The following NRG3 variants were observed in gnomAD, a reference collection of about 807,000 sequenced individuals.
The protein encoded by NRG3 is pro-neuregulin-3, membrane-bound isoform.
In NRG3, 31 loss-of-function variants were observed where a neutral mutation model predicts 66.9. The observed-to-expected ratio is 0.46, with a 90% confidence interval of 0.35 to 0.63. The LOEUF is 0.63. Among genes scored for constraint, NRG3 ranks in the 20% least tolerant of loss-of-function variants. NRG3 has a pLI of 0.00. For missense variants in NRG3, 910 were observed against 878.9 expected, an observed-to-expected ratio of 1.04 and a Z score of -0.45; for synonymous variants, 393 against 359.4, an observed-to-expected ratio of 1.09 and a Z score of -1.06.
At chr10:82,200,400 AGC>A (rs2074732940) in intron 1 of NRG3, among the ~76,000 whole-genome samples, 2 of 152,176 alleles carry the variant, frequency 1.3e-5, no homozygotes, top group African/African-American at 2.4e-5. Context: ...GTTGAATTGA[AGC>A]ATTGACTATA....
At chr10:82,603,660 A>G (rs188007803) in intron 2 of NRG3, among the ~76,000 whole-genome samples, 1 of 152,082 alleles carries the variant, frequency 6.6e-6, no homozygotes, top group African/African-American at 2.4e-5. Context: ...TGCTATAATA[A>G]ATTTATTTCT....
intron 3 of NRG3, among the ~76,000 whole-genome samples, chr10:82,804,694 G>A (rs914882967): frequency 6.6e-6 from 1 of 152,148 alleles, no homozygotes; most frequent in African/African-American, 2.4e-5. Flanking sequence ...GCCTTAATAA[G>A]TGCCAGTGAC....
chr10:82,813,053 C>T (rs139289241), intron 3 of NRG3, among the ~76,000 whole-genome samples: 190 of 152,236 alleles, frequency 1.2e-3, no homozygotes, highest in African/African-American at 4.2e-3. Flanking sequence ...AGAAATTTAT[C>T]AGCAGGTATC....
At chr10:82,462,776 G>A (rs1271246248) in intron 2 of NRG3, among the ~76,000 whole-genome samples, 1 of 152,180 alleles carries the variant, frequency 6.6e-6, no homozygotes, top group Non-Finnish European at 1.5e-5. Context: ...GAGAAAGATA[G>A]TAAATCTGAT....
chr10:82,769,321 T>C (rs910552582), intron 3 of NRG3, among the ~76,000 whole-genome samples: 2 of 152,078 alleles, frequency 1.3e-5, no homozygotes, highest in Admixed American at 1.3e-4. Flanking sequence ...AATGTTTCCA[T>C]AGTTCCTGCA....
At chr10:82,331,420 G>T (rs1418060538) in intron 1 of NRG3, among the ~76,000 whole-genome samples, 1 of 152,076 alleles carries the variant, frequency 6.6e-6, no homozygotes, top group Non-Finnish European at 1.5e-5. Flanking sequence ...AGACCCATGG[G>T]TTTTACTTTA....
At chr10:82,321,488 T>TAA (rs2081577433) in intron 1 of NRG3, among the ~76,000 whole-genome samples, 1 of 152,334 alleles carries the variant, frequency 6.6e-6, no homozygotes, top group East Asian at 1.9e-4. Context: ...GATAATGACT[T>TAA]AAACTGCCTC....
intron 1 of NRG3, among the ~76,000 whole-genome samples, chr10:82,342,402 C>T (rs1468996822): frequency 1.3e-5 from 2 of 152,088 alleles, no homozygotes; most frequent in Non-Finnish European, 2.9e-5. Context: ...TATTAGCATT[C>T]CCTTTTCTCC....
intron 1 of NRG3, among the ~76,000 whole-genome samples, chr10:82,315,452 A>G (rs761321635): frequency 9.9e-5 from 15 of 152,188 alleles, no homozygotes; most frequent in Non-Finnish European, 1.9e-4. Flanking sequence ...TGTCTAGCAG[A>G]TAAAACGACA....
intron 1 of NRG3, among the ~76,000 whole-genome samples, chr10:81,904,451 G>A (rs1844390536): frequency 6.6e-6 from 1 of 152,006 alleles, no homozygotes; most frequent in South Asian, 2.1e-4. Context: ...GGGTTGCTTA[G>A]TCTCTGCTTG....
At chr10:82,574,613 T>A (rs2045929532) in intron 2 of NRG3, among the ~76,000 whole-genome samples, 2 of 151,814 alleles carry the variant, frequency 1.3e-5, no homozygotes, top group Admixed American at 1.3e-4. Context: ...TCATAATGCA[T>A]TGTATACATG....
intron 1 of NRG3, among the ~76,000 whole-genome samples, chr10:81,961,460 T>C (rs1334253822): frequency 8.5e-6 from 1 of 118,274 alleles, no homozygotes; most frequent in African/African-American, 3.3e-5. Context: ...CATAGAATAT[T>C]TGTTTGCTGA....
intron 2 of NRG3, among the ~76,000 whole-genome samples, chr10:82,585,115 G>T (rs542450704): frequency 2.0e-5 from 3 of 152,100 alleles, no homozygotes; most frequent in African/African-American, 7.2e-5. Flanking sequence ...GAATGTGCAG[G>T]TAATTGTGTA....
chr10:82,374,289 A>C (rs1242887596), intron 2 of NRG3, among the ~76,000 whole-genome samples: 1 of 152,224 alleles, frequency 6.6e-6, no homozygotes, highest in Non-Finnish European at 1.5e-5. Context: ...ACATGACAAG[A>C]AGGAGACTCC....
chr10:82,524,698 T>C (rs1175314148), intron 2 of NRG3, among the ~76,000 whole-genome samples: 1 of 151,918 alleles, frequency 6.6e-6, no homozygotes, highest in East Asian at 1.9e-4. Flanking sequence ...CAGTCTTTCC[T>C]GAAAACTCAT....
chr10:82,626,753 C>T (rs2049452117), intron 2 of NRG3, among the ~76,000 whole-genome samples: 1 of 151,952 alleles, frequency 6.6e-6, no homozygotes, highest in African/African-American at 2.4e-5. Flanking sequence ...ATTTGATGTC[C>T]TCTAATTCCT....
chr10:82,110,606 T>A (rs889420558), intron 1 of NRG3, among the ~76,000 whole-genome samples: 28 of 105,154 alleles, frequency 2.7e-4, no homozygotes, highest in African/African-American at 1.5e-3. Flanking sequence ...TTAATATAGT[T>A]TTTTTTTAAT....
At chr10:82,469,040 A>T (rs978637016) in intron 2 of NRG3, among the ~76,000 whole-genome samples, 3 of 152,324 alleles carry the variant, frequency 2.0e-5, no homozygotes, top group Admixed American at 2.0e-4. Context: ...TTCTTTGTGA[A>T]ATGAATGAGC....
chr10:81,996,812 G>A (rs1242137902), intron 1 of NRG3, among the ~76,000 whole-genome samples: 1 of 152,080 alleles, frequency 6.6e-6, no homozygotes, highest in African/African-American at 2.4e-5. Context: ...AATTTTGGAA[G>A]TCTGCATTTT....
Sources: allele counts gnomAD v4.1 joint callset (sites outside exome capture counted in the v4.1 genomes callset), GRCh38; gene constraint gnomAD v4.1.1; transcripts MANE v1.5; gene names NCBI Gene and HGNC (gene_info 2026-07-23, HGNC 2026-07-21).